The following CDH4 variants were observed in gnomAD, a reference collection of about 807,000 sequenced individuals.
CDH4 encodes cadherin 4, also known as cadherin-4.
In CDH4, 33 loss-of-function variants were observed where a neutral mutation model predicts 86.0. The ratio of observed to expected loss-of-function variants is 0.38; its 90% CI spans 0.29 to 0.51. The LOEUF (loss-of-function observed/expected upper bound fraction) is 0.51, where lower values mean the gene tolerates loss of function less well. Ranked by LOEUF, CDH4 falls within the 20% of genes least tolerant of loss-of-function variation. The pLI, the probability that CDH4 is intolerant of heterozygous loss-of-function variation, is 0.86. For missense variants in CDH4, 1,114 were observed against 1,307.4 expected (o/e 0.85, Z 2.28); for synonymous variants, 555 against 549.4 (o/e 1.01, Z -0.14).
chr20:61,359,198 A>G (rs1351287130), intron 2 of CDH4, among the ~76,000 whole-genome samples: 4 of 152,012 alleles, frequency 2.6e-5, no homozygotes, highest in Non-Finnish European at 5.9e-5. Context: ...CTCACACATC[A>G]CCACAGAAAG....
At chr20:61,834,083 A>G (rs1026251107) in intron 4 of CDH4, among the ~76,000 whole-genome samples, 1 of 152,194 alleles carries the variant, frequency 6.6e-6, no homozygotes, top group Admixed American at 6.5e-5. Flanking sequence ...TCCTGGGGCC[A>G]GGTGGGATGG....
chr20:61,331,689 C>T (rs1372608689), intron 2 of CDH4, among the ~76,000 whole-genome samples: 471 of 151,066 alleles, frequency 3.1e-3, no homozygotes, highest in African/African-American at 0.011. Context: ...GCCCCGGCCA[C>T]CTGCCCCAGA....
intron 6 of CDH4, among the ~76,000 whole-genome samples, chr20:61,868,391 A>G (rs759193707): frequency 6.6e-6 from 1 of 152,142 alleles, no homozygotes. Flanking sequence ...TTCCTGCCGC[A>G]GAGGCCCAGC....
At chr20:61,721,065 C>T (rs1012860653) in intron 2 of CDH4, among the ~76,000 whole-genome samples, 1 of 152,188 alleles carries the variant, frequency 6.6e-6, no homozygotes, top group Non-Finnish European at 1.5e-5. Context: ...GGTAGCTTGC[C>T]ACTCTTGCAC....
chr20:61,835,059 A>G (rs1404400572), intron 4 of CDH4, among the ~76,000 whole-genome samples: 1 of 152,158 alleles, frequency 6.6e-6, no homozygotes, highest in Non-Finnish European at 1.5e-5. Flanking sequence ...CAAAATAAGA[A>G]TACAGAGTTC....
intron 1 of CDH4, among the ~76,000 whole-genome samples, chr20:61,253,752 G>A (rs1328312587): frequency 6.6e-6 from 1 of 152,164 alleles, no homozygotes; most frequent in African/African-American, 2.4e-5. Context: ...CGCCCTCCGC[G>A]GTGCCGGCGT....
At chr20:61,344,834 C>T (rs12624815) in intron 2 of CDH4, among the ~76,000 whole-genome samples, 34,925 of 152,098 alleles carry the variant, frequency 0.23, 4,301 homozygotes, top group African/African-American at 0.33. Context: ...TAAAATTGAT[C>T]ATATGAAGCC....
In CDH4 at chr20:61,937,179, T is replaced by G. The variant is rs2055202527; in HGVS notation, c.*236T>G. On this transcript the variant is annotated 3_prime_UTR_variant, in exon 16 of 16. Transcript: ENST00000614565. The stretch of plus-strand genomic sequence containing the variant: ...CACTGAAGGACAGCAAGAGGCACTC[T>G]GTCTTCACTTGAATTTCCTAGAACA... 2 of 313,268 alleles carry G rather than the reference T, an allele frequency of 6.4e-6. No homozygotes were observed. Among genetic ancestry groups the G allele is most frequent in the East Asian group, 9.7e-5 (2 of 20,528 alleles). The allele number at this position is 313,268 out of a possible 1,614,324, so 19.4% of individuals were successfully genotyped here. A position where few individuals can be genotyped will look rare whatever the true frequency, so the allele number is the denominator to read the frequency against.
chr20:61,474,702 T>C (rs2085524920), intron 2 of CDH4, among the ~76,000 whole-genome samples: 1 of 152,092 alleles, frequency 6.6e-6, no homozygotes, highest in African/African-American at 2.4e-5. Flanking sequence ...CTTTCAACAT[T>C]CTTTTTTTTA....
At chr20:61,266,260 T>A (rs1248161396) in intron 2 of CDH4, among the ~76,000 whole-genome samples, 1 of 151,500 alleles carries the variant, frequency 6.6e-6, no homozygotes, top group African/African-American at 2.4e-5. Context: ...CCATATGGAG[T>A]ATGATTTAAT....
chr20:61,874,140 T>C (rs1379713895), intron 7 of CDH4, among the ~76,000 whole-genome samples: 1 of 152,022 alleles, frequency 6.6e-6, no homozygotes, highest in Non-Finnish European at 1.5e-5. Context: ...CGTGTGGCTA[T>C]GGGCGGAGGC....
intron 2 of CDH4, among the ~76,000 whole-genome samples, chr20:61,394,821 G>A (rs115598220): frequency 1.0e-3 from 147 of 145,356 alleles, no homozygotes; most frequent in African/African-American, 3.6e-3. Context: ...AACACTCTAC[G>A]AGCCCAACAG....
intron 15 of CDH4, among the ~76,000 whole-genome samples, chr20:61,936,487 G>A (rs984041861): frequency 1.2e-4 from 14 of 118,306 alleles, no homozygotes; most frequent in Admixed American, 2.7e-4. Flanking sequence ...CCAACCCTCC[G>A]CCTCCCCTGC....
intron 2 of CDH4, among the ~76,000 whole-genome samples, chr20:61,656,003 G>T (rs1027811858): frequency 6.6e-6 from 1 of 152,204 alleles, no homozygotes; most frequent in Non-Finnish European, 1.5e-5. Flanking sequence ...CAGTCCTGAA[G>T]GGACCCAGAC....
intron 2 of CDH4, among the ~76,000 whole-genome samples, chr20:61,274,440 G>A (rs182069489): frequency 4.3e-4 from 56 of 131,212 alleles, no homozygotes; most frequent in Middle Eastern, 0.012. Context: ...GTTTGGGGGA[G>A]TACTTTGTGC....
intron 2 of CDH4, among the ~76,000 whole-genome samples, chr20:61,389,662 T>C (rs574197975): frequency 1.6e-4 from 25 of 152,294 alleles, no homozygotes; most frequent in Middle Eastern, 6.8e-3. Flanking sequence ...CACACGGCGA[T>C]GTCTGGAGGC....
At chr20:61,291,969 C>T (rs968788273) in intron 2 of CDH4, among the ~76,000 whole-genome samples, 1 of 152,154 alleles carries the variant, frequency 6.6e-6, no homozygotes, top group South Asian at 2.1e-4. Context: ...TATCATTTAG[C>T]TCCCTCTTAT....
chr20:61,571,542 G>A (rs565657703), intron 2 of CDH4, among the ~76,000 whole-genome samples: 18 of 152,280 alleles, frequency 1.2e-4, no homozygotes, highest in Admixed American at 7.8e-4. Flanking sequence ...CACCTGTGAG[G>A]GACCAGTACA....
At chr20:61,909,623 C>T (rs950059642) in intron 8 of CDH4, among the ~76,000 whole-genome samples, 2 of 152,274 alleles carry the variant, frequency 1.3e-5, no homozygotes, top group African/African-American at 4.8e-5. Flanking sequence ...AGTCTCTGCC[C>T]CCATCTCCCA....
Sources: allele counts gnomAD v4.1 joint callset (sites outside exome capture counted in the v4.1 genomes callset), GRCh38; gene constraint gnomAD v4.1.1; transcripts MANE v1.5; gene names NCBI Gene and HGNC (gene_info 2026-07-23, HGNC 2026-07-21).